The following JMJD1C variants were observed in gnomAD, a reference collection of about 807,000 sequenced individuals.
JMJD1C encodes the protein jumonji domain containing 1C.
JMJD1C carries 31 observed loss-of-function variants against 245.3 expected under a neutral mutation model. The observed-to-expected ratio is 0.13, with a 90% CI of 0.09 to 0.17. The LOEUF is 0.17. Ranked by LOEUF, JMJD1C falls within the 10% of genes least tolerant of loss-of-function variation. JMJD1C has a pLI of 1.00. For synonymous variants in JMJD1C, 1,057 were observed against 1,017.4 expected (o/e 1.04, Z -0.74); for missense variants, 2,691 against 3,000.2 (o/e 0.90, Z 2.41).
At chr10:63,224,768 A>AAATCC in intron 3 of JMJD1C, among the ~76,000 whole-genome samples, 1 of 152,260 alleles carries the variant, frequency 6.6e-6, no homozygotes, top group East Asian at 1.9e-4. Context: ...GTGAGATTAA[A>AAATCC]AATCCACTTA....
At chr10:63,256,254 T>A (rs1456971127) in intron 3 of JMJD1C, among the ~76,000 whole-genome samples, 2 of 152,150 alleles carry the variant, frequency 1.3e-5, no homozygotes, top group Non-Finnish European at 2.9e-5. Flanking sequence ...TTTCAACACA[T>A]CAAGTTTCGC....
At chr10:63,463,579 A>C (rs1952952526) in intron 1 of JMJD1C, among the ~76,000 whole-genome samples, 1 of 152,228 alleles carries the variant, frequency 6.6e-6, no homozygotes, top group Non-Finnish European at 1.5e-5. Flanking sequence ...GAATGTAAGA[A>C]AATCTGGGAA....
intron 2 of JMJD1C, among the ~76,000 whole-genome samples, chr10:63,331,575 A>G (rs540376373): frequency 3.9e-5 from 6 of 152,324 alleles, no homozygotes; most frequent in South Asian, 4.1e-4. Context: ...AGGGTGATCC[A>G]GACGTTTTAA....
intron 1 of JMJD1C, among the ~76,000 whole-genome samples, chr10:63,440,340 GA>G (rs199670163): frequency 0.025 from 2,259 of 89,724 alleles, 23 homozygotes; most frequent in African/African-American, 0.031. Flanking sequence ...TGTCTCAAAA[GA>G]AAAAAAAAAA....
chr10:63,195,825 G>C (rs1006275124), intron 13 of JMJD1C, among the ~76,000 whole-genome samples: 6 of 152,138 alleles, frequency 3.9e-5, no homozygotes, highest in Admixed American at 3.9e-4. Context: ...GCTACTCGGA[G>C]AGACTAGGCA....
chr10:63,239,724 C>T lies in JMJD1C; in HGVS notation c.448-19741G>A, dbSNP rs1244121253. Among the ~76,000 whole-genome samples, 4 of 152,148 alleles carry T rather than the reference C, an allele frequency of 2.6e-5. No homozygotes were observed. The East Asian group carries it at 5.8e-4, about 22-fold the overall frequency. ...GCCTCCTAAGTGCTGGGATTATAGG[C>T]GTGAGCCACCGCTCCTGGCCCTACA... On this transcript the variant is annotated intron_variant, in intron 3 of 25. Transcript: ENST00000399262.
At chr10:63,174,927 C>A (rs1842747084) in intron 24 of JMJD1C, among the ~76,000 whole-genome samples, 1 of 151,668 alleles carries the variant, frequency 6.6e-6, no homozygotes, top group South Asian at 2.1e-4. Flanking sequence ...TATGTTGTTA[C>A]CTAACTATGC....
At chr10:63,347,321 C>T (rs1943925200) in intron 2 of JMJD1C, among the ~76,000 whole-genome samples, 1 of 151,932 alleles carries the variant, frequency 6.6e-6, no homozygotes. Flanking sequence ...TGGTGGCTCA[C>T]GCCTGTAATC....
chr10:63,168,874 T>TA (rs1254358352), intron 24 of JMJD1C, among the ~76,000 whole-genome samples: 1 of 152,192 alleles, frequency 6.6e-6, no homozygotes, highest in East Asian at 1.9e-4. Context: ...AGTGGACTTT[T>TA]AAAAAATGTG....
chr10:63,353,239 C>G (rs1021372910), intron 2 of JMJD1C, among the ~76,000 whole-genome samples: 2 of 151,964 alleles, frequency 1.3e-5, no homozygotes, highest in Non-Finnish European at 2.9e-5. Flanking sequence ...TAGAACTAGG[C>G]AGAAGAAAAT....
chr10:63,247,700 C>G (rs1852408207), intron 3 of JMJD1C, among the ~76,000 whole-genome samples: 1 of 130,178 alleles, frequency 7.7e-6, no homozygotes, highest in Admixed American at 9.1e-5. Flanking sequence ...CCACCGCACA[C>G]CAGCCTGGGT....
chr10:63,170,817 C>A (rs2132741387), intron 24 of JMJD1C, among the ~76,000 whole-genome samples: 1 of 152,316 alleles, frequency 6.6e-6, no homozygotes, highest in Non-Finnish European at 1.5e-5. Context: ...TAAAGCAGAA[C>A]ACAACTCAGC....
chr10:63,274,597 T>C (rs756309928), intron 2 of JMJD1C, among the ~76,000 whole-genome samples: 2 of 152,036 alleles, frequency 1.3e-5, no homozygotes, highest in Non-Finnish European at 2.9e-5. Flanking sequence ...TTAACATTAA[T>C]AACTCCATGC....
chr10:63,387,448 T>C (rs1360401829), intron 1 of JMJD1C, among the ~76,000 whole-genome samples: 1 of 151,518 alleles, frequency 6.6e-6, no homozygotes, highest in Non-Finnish European at 1.5e-5. Flanking sequence ...AGGATATGAA[T>C]GAAAAATTCA....
chr10:63,319,912 T>G (rs1940633683), intron 2 of JMJD1C, among the ~76,000 whole-genome samples: 1 of 152,118 alleles, frequency 6.6e-6, no homozygotes, highest in African/African-American at 2.4e-5. Context: ...TACAGGCACA[T>G]GCCACCACAC....
chr10:63,294,137 C>A (rs1364603023), intron 2 of JMJD1C, among the ~76,000 whole-genome samples: 1 of 152,118 alleles, frequency 6.6e-6, no homozygotes, highest in Non-Finnish European at 1.5e-5. Context: ...AGCAATTCAA[C>A]CCTTTCTGCT....
intron 2 of JMJD1C, among the ~76,000 whole-genome samples, chr10:63,313,564 G>C (rs972577492): frequency 6.6e-6 from 1 of 152,168 alleles, no homozygotes; most frequent in African/African-American, 2.4e-5. Context: ...CACCAGCGGT[G>C]TAAGAATGTT....
At chr10:63,229,852 A>C (rs982748982) in intron 3 of JMJD1C, among the ~76,000 whole-genome samples, 6 of 152,214 alleles carry the variant, frequency 3.9e-5, no homozygotes, top group African/African-American at 7.2e-5. Context: ...AAAGTGATGA[A>C]TGACTGTGAT....
chr10:63,396,071 T>C (rs1422947147), intron 1 of JMJD1C, among the ~76,000 whole-genome samples: 3 of 152,114 alleles, frequency 2.0e-5, no homozygotes, highest in Admixed American at 6.5e-5. Context: ...TAAATTTTAC[T>C]CTAATTAAAA....
Sources: gnomAD v4.1 joint callset for allele counts (sites outside exome capture counted in the v4.1 genomes callset) on GRCh38, gnomAD v4.1.1 for gene constraint, MANE v1.5 for transcripts, NCBI Gene and HGNC (gene_info 2026-07-23, HGNC 2026-07-21) for gene names.